The following TRIP12 variants were observed in gnomAD, a reference collection of about 807,000 sequenced individuals.
The protein encoded by TRIP12 is E3 ubiquitin-protein ligase TRIP12.
In TRIP12, 25 loss-of-function variants were observed where a neutral mutation model predicts 244.2. That is an observed-to-expected ratio of 0.10 (90% CI 0.07 to 0.14). TRIP12 has a LOEUF of 0.14. TRIP12 is among the 10% of genes least tolerant of loss of function. TRIP12 has a pLI of 1.00. For synonymous variants in TRIP12, 905 were observed against 873.1 expected (o/e 1.04, Z -0.64); for missense variants, 1,677 against 2,486.4 (o/e 0.67, Z 6.92).
At chr2:229,922,744 A>G (rs1015056856), upstream of TRIP12, 85 of 850,782 alleles carry the variant, frequency 1.0e-4, no homozygotes, top group Non-Finnish European at 1.4e-4. Flanking sequence ...GCGCCGGGAG[A>G]TTTTCCTCGT....
intron 37 of TRIP12, among the ~76,000 whole-genome samples, chr2:229,775,378 C>T (rs1194201164): frequency 7.3e-6 from 1 of 136,424 alleles, no homozygotes; most frequent in Admixed American, 7.5e-5. Context: ...TTCTTCAGCA[C>T]AAAGATTTAA....
rs988244857 is a variant in TRIP12 at position 229,894,751 on chromosome 2, G to A, written c.-49-14623C>T. The stretch of plus-strand genomic sequence containing the variant: ...CTTCAAATCCTACTGATCACTTAAC[G>A]CAGCGATGCTCAGTATTTAACGTGC... On this transcript the variant is annotated intron_variant, in intron 1 of 41. Transcript: ENST00000675903. Among the ~76,000 whole-genome samples, 6 of 152,266 alleles carry A rather than the reference G, an allele frequency of 3.9e-5. No homozygotes were observed. The East Asian group carries it at 5.8e-4, about 15-fold the overall frequency.
At chr2:229,844,634 T>C (rs2057204663) in intron 4 of TRIP12, among the ~76,000 whole-genome samples, 1 of 152,232 alleles carries the variant, frequency 6.6e-6, no homozygotes, top group Non-Finnish European at 1.5e-5. Flanking sequence ...AGATTCCTTC[T>C]GTTACACAAG....
intron 20 of TRIP12, 24 bp downstream of exon 20, chr2:229,803,547 G>A (rs2045044568): frequency 7.0e-7 from 1 of 1,436,762 alleles, no homozygotes; most frequent in Admixed American, 1.8e-5. Flanking sequence ...TAGACTAAAT[G>A]ACTATTAATT....
intron 2 of TRIP12, among the ~76,000 whole-genome samples, chr2:229,863,166 T>C (rs956661233): frequency 1.1e-4 from 17 of 150,654 alleles, no homozygotes; most frequent in Middle Eastern, 3.2e-3. Flanking sequence ...GAGGCGGAGG[T>C]TGCAGTGAGC....
At chr2:229,791,818 C>T in intron 29 of TRIP12, 48 bp downstream of exon 29, 1 of 1,583,870 alleles carries the variant, frequency 6.3e-7, no homozygotes, top group South Asian at 1.1e-5. Flanking sequence ...AACACAAGAA[C>T]AGTTTCAAAG....
rs956770584 is a variant in TRIP12 at position 229,778,209 on chromosome 2, T to A, written c.5364+224A>T. On this transcript the variant is annotated intron_variant, in intron 36 of 41. Transcript: ENST00000675903. The surrounding 1 kb of genome is among the most constrained non-coding windows in gnomAD (Gnocchi z 4.1). Reference sequence around the variant, plus strand: ...CACAACCTGGCAATCGGGCATGCCCTGGGAGCTGACAGGAAAATTTAGAAT... The same window carrying A: ...CACAACCTGGCAATCGGGCATGCCCAGGGAGCTGACAGGAAAATTTAGAAT... 6.6e-6 allele frequency among the ~76,000 whole-genome samples: 1 copy of A among 152,196 alleles called. No homozygotes were observed. Among genetic ancestry groups the A allele is most frequent in the Non-Finnish European group, 1.5e-5 (1 of 68,024 alleles).
chr2:229,874,146 A>C (rs536461816), intron 2 of TRIP12, among the ~76,000 whole-genome samples: 9 of 152,286 alleles, frequency 5.9e-5, no homozygotes, highest in Middle Eastern at 3.4e-3. Flanking sequence ...AAAATTAGAC[A>C]AAAGACGCTA....
chr2:229,776,763 G>A (rs532365756), intron 37 of TRIP12, among the ~76,000 whole-genome samples: 14 of 152,150 alleles, frequency 9.2e-5, no homozygotes, highest in African/African-American at 3.4e-4. Flanking sequence ...ATCTCAGATT[G>A]AGTTAAATAA....
chr2:229,795,802 G>T (rs565953481), intron 25 of TRIP12, among the ~76,000 whole-genome samples: 2 of 152,326 alleles, frequency 1.3e-5, no homozygotes, highest in South Asian at 4.1e-4. Flanking sequence ...TCTTAAGTAT[G>T]CTGTAAAACT....
intron 8 of TRIP12, among the ~76,000 whole-genome samples, chr2:229,824,579 C>A (rs2154293212): frequency 6.6e-6 from 1 of 152,276 alleles, no homozygotes; most frequent in South Asian, 2.1e-4. Context: ...TATACCCACA[C>A]AATGGAGTAA....
intron 16 of TRIP12, 143 bp from the exon 17 acceptor site, chr2:229,808,007 C>T (rs1450395466): frequency 9.6e-6 from 9 of 939,430 alleles, no homozygotes; most frequent in Non-Finnish European, 1.1e-5. Flanking sequence ...ACTCTGTCGC[C>T]CAGGCTGGAT....
rs567571245 is a variant in TRIP12, at chr2:229,835,129, T to C, written c.1270+1719A>G. On this transcript the variant is annotated intron_variant, in intron 6 of 41. Coordinates refer to ENST00000675903, the MANE Select transcript of TRIP12 (RefSeq NM_001348323.3). The stretch of plus-strand genomic sequence containing the variant: ...AATTAGCTTATTTCCCCATAAATAC[T>C]TTCATGAGTCAGCAGAGAAATTCCT... Among the ~76,000 whole-genome samples the C allele has an allele frequency of 8.5e-5, 13 of 152,350 alleles. No individual in the cohort carries two copies. The East Asian group carries it at 2.5e-3, about 29-fold the overall frequency.
chr2:229,768,319 GA>G (rs2032698754), intron 41 of TRIP12, among the ~76,000 whole-genome samples: 1 of 152,160 alleles, frequency 6.6e-6, no homozygotes, highest in African/African-American at 2.4e-5. Flanking sequence ...GATTCAATCT[GA>G]AAAACCAGAT....
At chr2:229,794,386 G>C (rs1429944910) in intron 26 of TRIP12, among the ~76,000 whole-genome samples, 1 of 152,118 alleles carries the variant, frequency 6.6e-6, no homozygotes, top group Admixed American at 6.5e-5. Flanking sequence ...GGGCAACAAA[G>C]TGAGACCCCG....
At chr2:229,799,181 T>C in intron 22 of TRIP12, 102 bp downstream of exon 22, 1 of 1,517,914 alleles carries the variant, frequency 6.6e-7, no homozygotes, top group East Asian at 2.3e-5. Flanking sequence ...CTCAGGAAAC[T>C]TAGGCATACT....
chr2:229,887,505 G>C (rs1270007172), intron 1 of TRIP12, among the ~76,000 whole-genome samples: 1 of 152,136 alleles, frequency 6.6e-6, no homozygotes, highest in African/African-American at 2.4e-5. Context: ...AGATCAAGTA[G>C]AAAGCTACCA....
rs1309463026 is a variant in TRIP12, at chr2:229,803,857, G to T, written c.2879+142C>A. The stretch of plus-strand genomic sequence containing the variant: ...TTATATTTTATAAAAGCTATTATGT[G>T]AATATAAATAGACAAAAAAGAGCTC... On this transcript the variant is annotated intron_variant, in intron 19 of 41. Transcript: ENST00000675903. 5.9e-6 allele frequency: 5 copies of T among 842,338 alleles called. 1 individual carries two copies. The South Asian group carries it at 7.7e-5, about 13-fold the overall frequency. The allele number at this position is 842,338 out of a possible 1,614,324, so 52.2% of individuals were successfully genotyped here. A position where few individuals can be genotyped will look rare whatever the true frequency, so the allele number is the denominator to read the frequency against.
intron 4 of TRIP12, among the ~76,000 whole-genome samples, chr2:229,852,482 TATC>T (rs1305750590): frequency 1.3e-5 from 2 of 152,200 alleles, no homozygotes; most frequent in African/African-American, 4.8e-5. Context: ...AAGCCATCTA[TATC>T]ATTATATTAC....
Sources: gnomAD v4.1 joint callset for allele counts (sites outside exome capture counted in the v4.1 genomes callset) on GRCh38, gnomAD v4.1.1 for gene constraint, Gnocchi (gnomAD v3.1) non-coding constraint, MANE v1.5 for transcripts, NCBI Gene and HGNC (gene_info 2026-07-23, HGNC 2026-07-21) for gene names.